Variants in TDO2 observed in about 807,000 individuals in gnomAD.
The protein encoded by TDO2 is tryptophan 2,3-dioxygenase.
In TDO2, 63 loss-of-function variants were observed where a neutral mutation model predicts 61.2. The observed-to-expected ratio is 1.03, with a 90% CI of 0.84 to 1.27. The LOEUF (loss-of-function observed/expected upper bound fraction) is 1.27, where lower values mean the gene tolerates loss of function less well. Ranked by LOEUF, TDO2 falls within the 50% of genes most tolerant of loss-of-function variation. The probability of loss-of-function intolerance (pLI) is 0.00; values close to 1 mark genes in which losing one functional copy is unlikely to be tolerated. For synonymous variants in TDO2, 183 were observed against 164.0 expected (o/e 1.12, Z -0.89); for missense variants, 494 against 469.5 (o/e 1.05, Z -0.48).
chr4:155,905,080 T>C lies in TDO2; in HGVS notation c.155T>C (p.Leu52Ser), dbSNP rs1242828287. 1.3e-6 allele frequency: 2 copies of C among 1,586,418 alleles called. No individual in the cohort carries two copies. Among genetic ancestry groups the C allele is most frequent in the African/African-American group, 2.7e-5 (2 of 73,332 alleles). The change falls in exon 3 of 12, where the codon TTG becomes TCG. Residue 52 changes from leucine to serine, a missense_variant. Leu to Ser is a moderately radical substitution (Grantham distance 145). Transcript: ENST00000536354. Reference protein sequence around the residue: ...YGNYLHLEKVLNAQELQSETK... With the variant: ...YGNYLHLEKVSNAQELQSETK... ...TTTCATTTCAAGTTGGAAAAAGTTTTGAATGCACAAGAACTGCAAAGTGAA... is the reference window on the plus strand; with the variant it reads ...TTTCATTTCAAGTTGGAAAAAGTTTCGAATGCACAAGAACTGCAAAGTGAA...
chr4:155,912,598 C>G (rs1742854768), intron 7 of TDO2, among the ~76,000 whole-genome samples: 6 of 152,030 alleles, frequency 3.9e-5, no homozygotes, highest in Admixed American at 3.3e-4. Context: ...TTTACTTGCT[C>G]TTATTTCTCT....
chr4:155,907,583 CA>C, intron 3 of TDO2, 138 bp from the exon 4 acceptor site: 1 of 592,710 alleles, frequency 1.7e-6, no homozygotes, highest in Non-Finnish European at 3.0e-6. Flanking sequence ...TTCTGGCACA[CA>C]ATGGGACTAT....
At chr4:155,909,073 G>A in intron 5 of TDO2, 59 bp downstream of exon 5, 1 of 1,500,962 alleles carries the variant, frequency 6.7e-7, no homozygotes, top group Non-Finnish European at 8.9e-7. Context: ...TTTTGGTGGG[G>A]TAAAAGCAGC....
intron 7 of TDO2, 96 bp from the exon 8 acceptor site, chr4:155,914,227 C>A (rs1742889417): frequency 2.5e-6 from 2 of 788,478 alleles, no homozygotes; most frequent in Admixed American, 3.4e-5. Context: ...TACATCATTT[C>A]TGCAACCATA....
chr4:155,914,327 A>C lies in TDO2; in HGVS notation c.731A>C (p.Lys244Thr). The C allele has an allele frequency of 6.2e-7, 1 of 1,604,940 alleles. No individual in the cohort carries two copies. The change falls in exon 8 of 12, where the codon AAA becomes ACA. Residue 244 changes from lysine (K) to threonine (T), a missense_variant. Coordinates refer to ENST00000536354, the MANE Select transcript of TDO2 (RefSeq NM_005651.4). ...LEEEFIRIQA[K>T]EESEEKEEQV... Reference sequence around the variant, plus strand: ...AATGCCATATTTTTCCTAAAGGCTAAAGAAGAGTCTGAAGAAAAAGAGGAA... The same window carrying C: ...AATGCCATATTTTTCCTAAAGGCTACAGAAGAGTCTGAAGAAAAAGAGGAA...
At chr4:155,911,434 C>A in intron 6 of TDO2, 63 bp from the exon 7 acceptor site, 2 of 1,208,034 alleles carry the variant, frequency 1.7e-6, no homozygotes, top group Non-Finnish European at 2.4e-6. Flanking sequence ...TTATACATGT[C>A]GGTTACAATG....
rs1743015807 is a variant in TDO2 at position 155,920,058 on chromosome 4, T to C, written c.*68T>C. ...ATTTTTTATTTTCTATGGATTTTCA[T>C]AAATACAGTTTGAATATATGTATGC... On this transcript the variant is annotated 3_prime_UTR_variant, in exon 12 of 12. Transcript: ENST00000536354. 1 of 1,481,282 alleles carries C rather than the reference T, an allele frequency of 6.8e-7. No homozygotes were observed. Among genetic ancestry groups the C allele is most frequent in the East Asian group, 2.3e-5 (1 of 44,024 alleles). The allele number at this position is 1,481,282 out of a possible 1,614,324, so 91.8% of individuals were successfully genotyped here.
At chr4:155,918,104 A>G (rs753969287) in intron 10 of TDO2, 45 bp from the exon 11 acceptor site, 18 of 1,573,098 alleles carry the variant, frequency 1.1e-5, no homozygotes, top group Non-Finnish European at 1.5e-5. Context: ...TTGTGGAACT[A>G]ATGGTGGAAA....
chr4:155,912,036 CT>C lies in TDO2; in HGVS notation c.726+433del, dbSNP rs1443533884. Among the ~76,000 whole-genome samples, 3 of 152,136 alleles carry C rather than the reference CT, an allele frequency of 2.0e-5. No individual in the cohort carries two copies. In the East Asian group the frequency reaches 5.8e-4, roughly 29 times the overall value. The stretch of plus-strand genomic sequence containing the variant: ...CCTACTTAAAAGATACTGTTGATTG[CT>C]CATTGCCCTTATCTTTCAGGTCTCT... On this transcript the variant is annotated intron_variant, in intron 7 of 11. Transcript: ENST00000536354.
At position 155,905,127 on chromosome 4, in the gene TDO2, G is replaced by C; in HGVS notation, c.202G>C (p.Asp68His). 6.2e-7 allele frequency: 1 copy of C among 1,600,884 alleles called. No individual in the cohort carries two copies. The highest frequency in any genetic ancestry group is 8.5e-7 in the Non-Finnish European group (1 of 1,174,166). Reference protein sequence around the residue: ...QSETKGNKIHDEHLFIITHQA... With the variant: ...QSETKGNKIHHEHLFIITHQA... ...TGAAACAAAAGGAAATAAAATCCAT[G>C]ATGAACATCTTTTTATCATAACTCA... Residue 68 changes from aspartate (D) to histidine (H), a missense_variant, in exon 3 of 12, where the codon GAT (aspartate) becomes CAT (histidine). By Grantham distance (81) the Asp-to-His change is moderately conservative. Coordinates refer to ENST00000536354, the MANE Select transcript of TDO2 (RefSeq NM_005651.4).
chr4:155,905,016 T>TA, intron 2 of TDO2, 51 bp from the exon 3 acceptor site: 1 of 1,380,288 alleles, frequency 7.2e-7, no homozygotes, highest in Non-Finnish European at 9.9e-7. Flanking sequence ...CTAAAGTTCA[T>TA]AAAAACCAAG....
rs1199238322 is a variant in TDO2, at chr4:155,905,311, T to C, written c.232+154T>C. 6 of 634,970 alleles carry C rather than the reference T, an allele frequency of 9.4e-6. No homozygotes were observed. The Admixed American group carries it at 1.4e-4, about 14-fold the overall frequency. The allele number at this position is 634,970 out of a possible 1,614,324, so 39.3% of individuals were successfully genotyped here. On this transcript the variant is annotated intron_variant, in intron 3 of 11. Coordinates refer to ENST00000536354, the MANE Select transcript of TDO2 (RefSeq NM_005651.4). The stretch of plus-strand genomic sequence containing the variant: ...TATTTTGCTGCCAGATGAATTCTCA[T>C]AGGACTGATATAAGGATTTCAATAG...
intron 8 of TDO2, among the ~76,000 whole-genome samples, chr4:155,915,519 G>T (rs1351310381): frequency 1.3e-5 from 2 of 152,034 alleles, no homozygotes; most frequent in East Asian, 3.9e-4. Context: ...CTACTTTTTT[G>T]AAATGAAAGA....
At chr4:155,917,561 A>G (rs1742966070) in intron 10 of TDO2, 87 bp downstream of exon 10, 1 of 1,074,914 alleles carries the variant, frequency 9.3e-7, no homozygotes, top group Admixed American at 2.5e-5. Context: ...CCTCCTGCCC[A>G]CTTTCTCTCT....
At chr4:155,919,061 A>G (rs1742996543) in intron 11 of TDO2, among the ~76,000 whole-genome samples, 1 of 152,202 alleles carries the variant, frequency 6.6e-6, no homozygotes, top group South Asian at 2.1e-4. Context: ...ATAACTGCCT[A>G]TACCAAATGA....
chr4:155,904,064 T>C lies in TDO2; in HGVS notation c.82T>C (p.Ser28Pro), dbSNP rs779760124. 29 of 1,614,058 alleles carry C rather than the reference T, an allele frequency of 1.8e-5. No homozygotes were observed. The South Asian group carries it at 2.9e-4, about 16-fold the overall frequency. Residue 28 changes from serine (S) to proline (P), a missense_variant, in exon 2 of 12, where the codon TCA becomes CCA. Ser to Pro is a moderately conservative substitution (Grantham distance 74). Transcript: ENST00000536354. ...LPVEGSEEDK[S>P]QTGVNRASKG... ...CGTAGAAGGCAGCGAAGAAGACAAATCACAAACTGGTGTGAATAGAGCCAG... is the reference window on the plus strand; with the variant it reads ...CGTAGAAGGCAGCGAAGAAGACAAACCACAAACTGGTGTGAATAGAGCCAG...
At chr4:155,918,713 G>A (rs1742988748) in intron 11 of TDO2, 1 of 155,404 alleles carries the variant, frequency 6.4e-6, no homozygotes, top group Admixed American at 6.3e-5. Context: ...TGTTTACAAG[G>A]AAAGAGATCA....
At position 155,910,184 on chromosome 4, in the gene TDO2, G is replaced by T. The variant is rs759094500; in HGVS notation, c.591G>T (p.Gln197His). 6.3e-7 allele frequency: 1 copy of T among 1,583,496 alleles called. No homozygotes were observed. The change falls in exon 6 of 12, where the codon CAG becomes CAT. Residue 197 changes from glutamine to histidine, a missense_variant. Gln to His is a conservative substitution (Grantham distance 24). Transcript: ENST00000536354. ...EENELLLKSE[Q>H]EKTLLELVEA... ...ATGAACTGCTACTTAAATCTGAGCA[G>T]GAAAAGACACTTCTGGAATTAGTGG...
At chr4:155,919,010 C>T (rs1417665825) in intron 11 of TDO2, among the ~76,000 whole-genome samples, 3 of 152,144 alleles carry the variant, frequency 2.0e-5, no homozygotes, top group Non-Finnish European at 2.9e-5. Context: ...TAGACATTTT[C>T]ACTGTCCCTG....
Sources: allele counts gnomAD v4.1 joint callset (sites outside exome capture counted in the v4.1 genomes callset), GRCh38; gene constraint gnomAD v4.1.1; transcripts MANE v1.5; gene names NCBI Gene and HGNC (gene_info 2026-07-23, HGNC 2026-07-21).